The following STRBP variants were observed in gnomAD, a reference collection of about 807,000 sequenced individuals.
STRBP encodes spermatid perinuclear RNA-binding protein.
Under a neutral mutation model 80.1 loss-of-function variants are expected in STRBP, and 13 were observed. The observed-to-expected ratio is 0.16, with a 90% CI of 0.11 to 0.26. The LOEUF (loss-of-function observed/expected upper bound fraction) is 0.26, where lower values mean the gene tolerates loss of function less well. Among genes scored for constraint, STRBP ranks in the 10% least tolerant of loss-of-function variants. STRBP has a pLI of 1.00. For synonymous variants in STRBP, 284 were observed against 291.2 expected (o/e 0.98, Z 0.25); for missense variants, 485 against 815.2 (o/e 0.59, Z 4.93).
chr9:123,204,107 T>C (rs545946540), intron 2 of STRBP, among the ~76,000 whole-genome samples: 103 of 152,354 alleles, frequency 6.8e-4, no homozygotes, highest in Non-Finnish European at 1.6e-4. Context: ...TTACTCTGCA[T>C]TGCACACCTA....
chr9:123,209,860 C>T (rs1381820925), intron 2 of STRBP, among the ~76,000 whole-genome samples: 2 of 151,914 alleles, frequency 1.3e-5, no homozygotes, highest in Non-Finnish European at 2.9e-5. Flanking sequence ...GGTTGCCATA[C>T]ACACACACAC....
At position 123,123,912 on chromosome 9, in the gene STRBP, C is replaced by T; in HGVS notation, c.*1685G>A. On this transcript the variant is annotated 3_prime_UTR_variant, in exon 19 of 19. Coordinates refer to ENST00000348403, the MANE Select transcript of STRBP (RefSeq NM_018387.5). ...AAAACTCCCAGCTGAAATGGGCCCT[C>T]TTGTTTATGTCTAGCCACTAATGCA... is the stretch of plus-strand genomic sequence containing the variant. 1.3e-5 allele frequency: 13 copies of T among 985,426 alleles called. No individual in the cohort carries two copies. The highest frequency in any genetic ancestry group is 1.4e-5 in the Non-Finnish European group (12 of 829,934). 61.0% of individuals were successfully genotyped at this position (985,426 alleles called of 1,614,324 possible).
At chr9:123,179,511 C>T (rs931259444) in intron 3 of STRBP, among the ~76,000 whole-genome samples, 1 of 152,200 alleles carries the variant, frequency 6.6e-6, no homozygotes, top group African/African-American at 2.4e-5. Context: ...CACGGGGGCA[C>T]ATGCCTGTAA....
intron 13 of STRBP, 26 bp from the exon 14 acceptor site, chr9:123,139,713 T>C (rs778724818): frequency 6.2e-7 from 1 of 1,600,836 alleles, no homozygotes; most frequent in African/African-American, 1.3e-5. Context: ...TAAAATGCAG[T>C]TTTATTCAGA....
At chr9:123,185,567 C>T (rs922125160) in intron 2 of STRBP, among the ~76,000 whole-genome samples, 1 of 152,142 alleles carries the variant, frequency 6.6e-6, no homozygotes, top group Non-Finnish European at 1.5e-5. Context: ...TAAGAGATAT[C>T]TCAAAAATGC....
Position 123,125,259 on chromosome 9 carries a change from T to G in STRBP, c.*338A>C. 1 of 1,013,534 alleles carries G rather than the reference T, an allele frequency of 9.9e-7. No homozygotes were observed. The highest frequency in any genetic ancestry group is 1.2e-6 in the Non-Finnish European group (1 of 847,882). The allele number at this position is 1,013,534 out of a possible 1,614,324, so 62.8% of individuals were successfully genotyped here. A position where few individuals can be genotyped will look rare whatever the true frequency, so the allele number is the denominator to read the frequency against. ...TTTATTTGTGATCAGTGTTTGAGAC[T>G]CTATACATCCTTCACAAATTTAATT... On this transcript the variant is annotated 3_prime_UTR_variant, in exon 19 of 19. Coordinates refer to ENST00000348403, the MANE Select transcript of STRBP (RefSeq NM_018387.5).
intron 2 of STRBP, among the ~76,000 whole-genome samples, chr9:123,214,754 T>C (rs1264184694): frequency 6.6e-6 from 1 of 152,212 alleles, no homozygotes; most frequent in African/African-American, 2.4e-5. Context: ...CTACCTATAC[T>C]ATATTCATAC....
chr9:123,232,040 A>T (rs569798317), intron 2 of STRBP, among the ~76,000 whole-genome samples: 2 of 152,290 alleles, frequency 1.3e-5, no homozygotes, highest in African/African-American at 4.8e-5. Flanking sequence ...AGCTGGATGC[A>T]GTGGCTCACA....
chr9:123,229,480 A>C (rs538483647), intron 2 of STRBP, among the ~76,000 whole-genome samples: 1 of 152,254 alleles, frequency 6.6e-6, no homozygotes, highest in Non-Finnish European at 1.5e-5. Context: ...AGTGGGATCA[A>C]GTATTTTTAA....
intron 1 of STRBP, among the ~76,000 whole-genome samples, chr9:123,240,858 T>C (rs957576182): frequency 2.6e-5 from 4 of 152,148 alleles, no homozygotes; most frequent in Non-Finnish European, 5.9e-5. Context: ...AACTTGTATA[T>C]CCAATTGATG....
At position 123,158,343 on chromosome 9, in the gene STRBP, G is replaced by A; in HGVS notation, c.922C>T (p.His308Tyr). 6.2e-7 allele frequency: 1 copy of A among 1,613,420 alleles called. No individual in the cohort carries two copies. The highest frequency in any genetic ancestry group is 1.3e-5 in the African/African-American group (1 of 74,978). ...MTIQQKEDITHSAQHALRLSA... is the reference protein window; with the variant it reads ...MTIQQKEDITYSAQHALRLSA... ...GCTCAATCTTCTACCTGTGCACTGT[G>A]GGTAATATCTTCTTTTTGCTGGATG... The change falls in exon 10 of 19, where the codon CAC (histidine) becomes TAC (tyrosine). Residue 308 changes from histidine (H) to tyrosine (Y), a missense_variant. Physicochemically the swap from His to Tyr is moderately conservative, Grantham distance 83 (BLOSUM62 2). This residue lies in a region of STRBP where 377 missense variants were observed against 616.1 expected (regional missense o/e 0.61). Transcript: ENST00000348403.
At chr9:123,260,588 T>C (rs990600478) in intron 1 of STRBP, among the ~76,000 whole-genome samples, 4 of 152,188 alleles carry the variant, frequency 2.6e-5, no homozygotes, top group African/African-American at 9.7e-5. Context: ...GTGCAGAAGA[T>C]AAGGAATTAT....
downstream of STRBP, among the ~76,000 whole-genome samples, chr9:123,117,395 A>G (rs1476659170): frequency 6.6e-6 from 1 of 152,228 alleles, no homozygotes; most frequent in Non-Finnish European, 1.5e-5. Flanking sequence ...GTCATTCATT[A>G]GCCCAGGAGC....
chr9:123,206,950 T>A (rs1439107434), intron 2 of STRBP, among the ~76,000 whole-genome samples: 3 of 152,200 alleles, frequency 2.0e-5, no homozygotes, highest in South Asian at 2.1e-4. Flanking sequence ...GAAGATTTTT[T>A]AAATATGAAC....
intron 6 of STRBP, among the ~76,000 whole-genome samples, chr9:123,168,908 T>C (rs2037885540): frequency 6.6e-6 from 1 of 152,214 alleles, no homozygotes; most frequent in Non-Finnish European, 1.5e-5. Context: ...TCTACTTTTA[T>C]GAGGATGACG....
At chr9:123,239,545 C>T (rs1308381407) in intron 1 of STRBP, among the ~76,000 whole-genome samples, 1 of 152,172 alleles carries the variant, frequency 6.6e-6, no homozygotes, top group Non-Finnish European at 1.5e-5. Flanking sequence ...GACCAGGGCA[C>T]AGAACGTCTT....
At chr9:123,116,668 C>T (rs948246276), downstream of STRBP, among the ~76,000 whole-genome samples, 4 of 152,084 alleles carry the variant, frequency 2.6e-5, no homozygotes, top group African/African-American at 9.7e-5. Context: ...AAAGGTGAGC[C>T]GAACACATCA....
intron 2 of STRBP, among the ~76,000 whole-genome samples, chr9:123,192,327 A>G (rs781532753): frequency 6.6e-6 from 1 of 152,196 alleles, no homozygotes; most frequent in Non-Finnish European, 1.5e-5. Context: ...AAAAAGCAAA[A>G]GGAGAAGAAC....
intron 17 of STRBP, among the ~76,000 whole-genome samples, chr9:123,129,291 A>G (rs975894310): frequency 2.0e-5 from 3 of 152,180 alleles, no homozygotes; most frequent in African/African-American, 7.2e-5. Context: ...CAGGAGGTCG[A>G]GGCTGCAGTG....
Sources: gnomAD v4.1 joint callset for allele counts (sites outside exome capture counted in the v4.1 genomes callset) on GRCh38, gnomAD v4.1.1 for gene constraint, gnomAD v4.1.1 regional missense constraint, MANE v1.5 for transcripts, NCBI Gene and HGNC (gene_info 2026-07-23, HGNC 2026-07-21) for gene names.